Variants in METTL15 observed in about 807,000 individuals in gnomAD.
METTL15 encodes 12S rRNA N(4)-cytidine methyltransferase METTL15.
In METTL15, 34 loss-of-function variants were observed where a neutral mutation model predicts 38.3. The observed-to-expected ratio is 0.89, with a 90% CI of 0.68 to 1.18. The LOEUF (loss-of-function observed/expected upper bound fraction) is 1.18. Among genes scored for constraint, METTL15 ranks in the 50% most tolerant of loss-of-function variants. The pLI, the probability that METTL15 is intolerant of heterozygous loss-of-function variation, is 0.00. For synonymous variants in METTL15, 162 were observed against 170.9 expected (o/e 0.95, Z 0.41); for missense variants, 438 against 498.4 (o/e 0.88, Z 1.15).
intron 3 of METTL15, among the ~76,000 whole-genome samples, chr11:28,132,179 C>T (rs951405069): frequency 2.0e-5 from 3 of 152,096 alleles, no homozygotes; most frequent in Non-Finnish European, 4.4e-5. Flanking sequence ...TCTTGGGTCT[C>T]CTTGCAAAGA....
At chr11:28,372,850 A>G (rs1487151331) in intron 5 of METTL15, among the ~76,000 whole-genome samples, 1 of 134,400 alleles carries the variant, frequency 7.4e-6, no homozygotes, top group Admixed American at 8.5e-5. Flanking sequence ...ATTCCCACCT[A>G]TGAGTGAGAA....
chr11:28,367,474 G>T (rs1850198053), intron 5 of METTL15, among the ~76,000 whole-genome samples: 1 of 152,200 alleles, frequency 6.6e-6, no homozygotes, highest in South Asian at 2.1e-4. Context: ...ACAAACCACT[G>T]CTCAAGGAAA....
intron 6 of METTL15, among the ~76,000 whole-genome samples, chr11:28,463,772 A>G (rs1851234930): frequency 6.7e-6 from 1 of 148,634 alleles, no homozygotes. Flanking sequence ...CCTGTGGGTT[A>G]CTAAACTCCA....
chr11:28,384,837 G>T (rs923744180), intron 5 of METTL15, among the ~76,000 whole-genome samples: 1 of 151,946 alleles, frequency 6.6e-6, no homozygotes. Flanking sequence ...TTGCCATTTT[G>T]ATGGGTGAGA....
chr11:28,276,222 G>T (rs1394326280), intron 4 of METTL15, among the ~76,000 whole-genome samples: 5 of 151,994 alleles, frequency 3.3e-5, no homozygotes, highest in African/African-American at 1.2e-4. Flanking sequence ...AAACCTTTTA[G>T]ATTTAATAAA....
intron 6 of METTL15, among the ~76,000 whole-genome samples, chr11:28,454,243 A>C (rs1851148967): frequency 1.3e-5 from 2 of 152,230 alleles, no homozygotes; most frequent in African/African-American, 4.8e-5. Context: ...TGACCACATA[A>C]AAACTGACTA....
intron 6 of METTL15, among the ~76,000 whole-genome samples, chr11:28,309,377 C>T (rs1163457835): frequency 6.6e-6 from 1 of 152,168 alleles, no homozygotes; most frequent in Non-Finnish European, 1.5e-5. Context: ...TCTATACCTG[C>T]CCAACTGTGA....
At chr11:28,122,060 A>C in intron 3 of METTL15, 1 of 796,942 alleles carries the variant, frequency 1.3e-6, no homozygotes, top group Non-Finnish European at 1.6e-6. Context: ...AGTTAATAAA[A>C]GTTATAGTTT....
At chr11:28,529,922 G>C (rs968764309), downstream of METTL15, among the ~76,000 whole-genome samples, 2 of 152,072 alleles carry the variant, frequency 1.3e-5, no homozygotes, top group African/African-American at 4.8e-5. Context: ...GATGTTCAAG[G>C]GTTGTGACAG....
At chr11:28,410,189 A>T (rs1223368491) in intron 5 of METTL15, among the ~76,000 whole-genome samples, 1 of 152,182 alleles carries the variant, frequency 6.6e-6, no homozygotes, top group East Asian at 1.9e-4. Context: ...CAAACATACA[A>T]AGAAGAATGA....
At chr11:28,113,685 C>A in intron 3 of METTL15, 81 bp downstream of exon 3, 1 of 1,461,092 alleles carries the variant, frequency 6.8e-7, no homozygotes, top group Non-Finnish European at 9.3e-7. Context: ...TTAAGGTATA[C>A]AATTCAGTGG....
chr11:28,150,118 G>A lies in METTL15; in HGVS notation c.270+36514G>A, dbSNP rs116286234. Reference sequence around the variant, plus strand: ...AGATTAGGTTTGAAAGGTTTAATCAGTTCTTATCCACTGCACCCCAGCCCT... The same window carrying A: ...AGATTAGGTTTGAAAGGTTTAATCAATTCTTATCCACTGCACCCCAGCCCT... On this transcript the variant is annotated intron_variant, in intron 3 of 6. Coordinates refer to ENST00000407364, the MANE Select transcript of METTL15 (RefSeq NM_001113528.2). Among the ~76,000 whole-genome samples, 659 of 152,010 alleles carry A rather than the reference G, an allele frequency of 4.3e-3. 8 individuals are homozygous for A. The highest frequency in any genetic ancestry group is 0.014 in the African/African-American group (596 of 41,496).
intron 3 of METTL15, among the ~76,000 whole-genome samples, chr11:28,114,122 T>A (rs1851841212): frequency 6.6e-6 from 1 of 152,200 alleles, no homozygotes; most frequent in South Asian, 2.1e-4. Context: ...TTCCCATTAG[T>A]ATTCACTCGC....
At chr11:28,307,700 T>TA (rs1444843366) in intron 6 of METTL15, among the ~76,000 whole-genome samples, 1 of 151,998 alleles carries the variant, frequency 6.6e-6, no homozygotes, top group East Asian at 1.9e-4. Flanking sequence ...ACCTATTTCA[T>TA]ACACATATTA....
chr11:28,193,606 T>C (rs1851781190), intron 3 of METTL15, among the ~76,000 whole-genome samples: 1 of 152,056 alleles, frequency 6.6e-6, no homozygotes, highest in Non-Finnish European at 1.5e-5. Flanking sequence ...CCATATCACC[T>C]TCCACCCCCA....
At chr11:28,149,505 T>C (rs1358897237) in intron 3 of METTL15, among the ~76,000 whole-genome samples, 1 of 151,946 alleles carries the variant, frequency 6.6e-6, no homozygotes, top group Non-Finnish European at 1.5e-5. Flanking sequence ...TGGGTTCTTA[T>C]CCCAACTCTG....
intron 6 of METTL15, among the ~76,000 whole-genome samples, chr11:28,324,591 C>T (rs779040777): frequency 5.3e-5 from 8 of 152,188 alleles, no homozygotes; most frequent in Non-Finnish European, 1.2e-4. Context: ...CTTGCTCCAA[C>T]AAAAATCATA....
chr11:28,131,918 T>C (rs999419823), intron 3 of METTL15, among the ~76,000 whole-genome samples: 5 of 152,190 alleles, frequency 3.3e-5, no homozygotes, highest in African/African-American at 9.6e-5. Context: ...TGGTGACCTT[T>C]GTAATGTGGA....
At chr11:28,417,995 G>A (rs1015330280) in intron 5 of METTL15, among the ~76,000 whole-genome samples, 1 of 151,918 alleles carries the variant, frequency 6.6e-6, no homozygotes, top group African/African-American at 2.4e-5. Context: ...ATTCTAACAG[G>A]CTTTAATAGA....
Sources: allele counts gnomAD v4.1 joint callset (sites outside exome capture counted in the v4.1 genomes callset), GRCh38; gene constraint gnomAD v4.1.1; transcripts MANE v1.5; gene names NCBI Gene and HGNC (gene_info 2026-07-23, HGNC 2026-07-21).